PTK2: variants seen among roughly 807,000 people sequenced by gnomAD.
The protein encoded by PTK2 is protein tyrosine kinase 2.
Under a neutral mutation model 150.1 loss-of-function variants are expected in PTK2, and 45 were observed. The observed-to-expected ratio is 0.30, with a 90% CI of 0.24 to 0.38. The LOEUF is 0.38. PTK2 is among the 10% of genes least tolerant of loss of function. The pLI is 1.00. For synonymous variants in PTK2, 432 were observed against 449.2 expected (o/e 0.96, Z 0.48); for missense variants, 919 against 1,307.3 (o/e 0.70, Z 4.58).
rs562573034 is a variant in PTK2, at chr8:140,769,465, G to C, written c.1178-5175C>G. ...ATATTTTGCATACCATTTTGTACTT[G>C]GTTCTGTTGGATCAAAAGCACATTT... On this transcript the variant is annotated intron_variant, in intron 14 of 31. Transcript: ENST00000522684. 219 of 616,668 alleles carry C rather than the reference G, an allele frequency of 3.6e-4. 3 individuals carry two copies. The South Asian group carries it at 4.8e-3, about 14-fold the overall frequency. The allele number at this position is 616,668 out of a possible 1,614,324, so 38.2% of individuals were successfully genotyped here. A position where few individuals can be genotyped will look rare whatever the true frequency, so the allele number is the denominator to read the frequency against.
chr8:140,756,833 C>CA (rs1439227931), intron 16 of PTK2, among the ~76,000 whole-genome samples: 1 of 148,512 alleles, frequency 6.7e-6, no homozygotes, highest in African/African-American at 2.5e-5. Flanking sequence ...ACTAAAAATA[C>CA]AAAAAATTAG....
chr8:140,664,976 T>C (rs1177884464), exon 31 of PTK2: 1 of 1,613,658 alleles, frequency 6.2e-7, no homozygotes, highest in African/African-American at 1.3e-5. Context: ...GCCAATAATG[T>C]CCTCAGGGCC....
chr8:140,789,120 T>G (rs2100086784), intron 14 of PTK2, among the ~76,000 whole-genome samples: 1 of 152,318 alleles, frequency 6.6e-6, no homozygotes, highest in African/African-American at 2.4e-5. Flanking sequence ...TTTCCTGAAC[T>G]TCTTAAAATA....
At chr8:140,854,778 C>T (rs559315923) in intron 5 of PTK2, among the ~76,000 whole-genome samples, 14 of 152,158 alleles carry the variant, frequency 9.2e-5, no homozygotes, top group African/African-American at 2.2e-4. Flanking sequence ...AGTAATATAA[C>T]GCTCAAACAC....
At chr8:140,791,332 T>C (rs1009415120) in intron 13 of PTK2, among the ~76,000 whole-genome samples, 3 of 152,148 alleles carry the variant, frequency 2.0e-5, no homozygotes, top group Non-Finnish European at 4.4e-5. Context: ...ACATGCCACA[T>C]TGCCCAGCTT....
At chr8:140,784,056 G>A (rs1566291952) in intron 14 of PTK2, among the ~76,000 whole-genome samples, 3 of 152,010 alleles carry the variant, frequency 2.0e-5, no homozygotes, top group South Asian at 2.1e-4. Flanking sequence ...CCACCTACTC[G>A]GGAGGCAGAG....
intron 1 of PTK2, among the ~76,000 whole-genome samples, chr8:140,932,211 AT>A (rs1267889348): frequency 6.6e-6 from 1 of 152,084 alleles, no homozygotes; most frequent in East Asian, 1.9e-4. Context: ...GAATAAAGAT[AT>A]TTAACATTTC....
chr8:140,897,351 C>T (rs1452818073), intron 2 of PTK2, among the ~76,000 whole-genome samples: 1 of 151,950 alleles, frequency 6.6e-6, no homozygotes, highest in Non-Finnish European at 1.5e-5. Flanking sequence ...TGCTCCTATC[C>T]TTTCAGAACT....
chr8:140,776,616 T>C (rs1161036127), intron 14 of PTK2, among the ~76,000 whole-genome samples: 3 of 152,110 alleles, frequency 2.0e-5, no homozygotes, highest in East Asian at 1.9e-4. Context: ...AGAAGGAAAG[T>C]AGTGCCATTT....
chr8:140,857,184 C>G (rs529826124), intron 5 of PTK2, among the ~76,000 whole-genome samples: 1 of 152,204 alleles, frequency 6.6e-6, no homozygotes, highest in Non-Finnish European at 1.5e-5. Context: ...TTCTTATATA[C>G]TATTAGCAGA....
chr8:140,802,497 C>T (rs895317928), intron 11 of PTK2, among the ~76,000 whole-genome samples: 1 of 152,052 alleles, frequency 6.6e-6, no homozygotes, highest in Non-Finnish European at 1.5e-5. Context: ...CTAATGTTTA[C>T]TACTGAAAAA....
In PTK2 at chr8:140,860,611, T is replaced by A. The variant is rs369487765; in HGVS notation, c.450+3701A>T. Among the ~76,000 whole-genome samples, 9 of 152,192 alleles carry A rather than the reference T, an allele frequency of 5.9e-5. No individual in the cohort carries two copies. In the East Asian group the frequency reaches 1.3e-3, roughly 23 times the overall value. ...TGCCCCAGCTCCTCAGTAGCTGGGATACAGGTGTGTACCACCATGCTCTGC... is the reference window on the plus strand; with the variant it reads ...TGCCCCAGCTCCTCAGTAGCTGGGAAACAGGTGTGTACCACCATGCTCTGC... On this transcript the variant is annotated intron_variant, in intron 5 of 31. Coordinates refer to ENST00000522684, the Ensembl canonical transcript of PTK2.
intron 20 of PTK2, among the ~76,000 whole-genome samples, chr8:140,741,541 G>A (rs998896259): frequency 3.3e-5 from 5 of 151,642 alleles, no homozygotes; most frequent in African/African-American, 1.2e-4. Flanking sequence ...GAAGACATAT[G>A]GAAAGAGAAT....
chr8:140,706,353 T>A (rs1342893141), intron 23 of PTK2, 148 bp from the exon 27 acceptor site: 1 of 580,684 alleles, frequency 1.7e-6, no homozygotes, highest in African/African-American at 1.9e-5. Flanking sequence ...GAAAGAACAG[T>A]CTTTTCAACA....
intron 26 of PTK2, 98 bp downstream of exon 29, chr8:140,700,793 T>C: frequency 6.8e-7 from 1 of 1,463,576 alleles, no homozygotes; most frequent in Non-Finnish European, 9.2e-7. Context: ...TAAAACTAAC[T>C]CTCCTGCTTT....
At chr8:140,756,966 G>A (rs2100066216) in intron 16 of PTK2, among the ~76,000 whole-genome samples, 1 of 150,554 alleles carries the variant, frequency 6.6e-6, no homozygotes, top group Admixed American at 6.6e-5. Context: ...TCTGGCCTGG[G>A]CAACAGAGCG....
intron 7 of PTK2, among the ~76,000 whole-genome samples, chr8:140,840,401 T>C (rs962570194): frequency 2.0e-5 from 3 of 151,856 alleles, no homozygotes; most frequent in African/African-American, 7.3e-5. Context: ...CCAAAAATAA[T>C]AACTGTATAA....
At chr8:140,912,481 G>C (rs1166095931) in intron 2 of PTK2, among the ~76,000 whole-genome samples, 1 of 151,440 alleles carries the variant, frequency 6.6e-6, no homozygotes, top group East Asian at 1.9e-4. Flanking sequence ...AAAAAATAAA[G>C]ATAAATACAA....
intron 5 of PTK2, among the ~76,000 whole-genome samples, chr8:140,856,008 CA>C (rs1181607760): frequency 2.6e-5 from 4 of 151,940 alleles, no homozygotes; most frequent in African/African-American, 9.7e-5. Flanking sequence ...ACATATTGTA[CA>C]AAAAGGTTTA....
Sources: gnomAD v4.1 joint callset for allele counts (sites outside exome capture counted in the v4.1 genomes callset) on GRCh38, gnomAD v4.1.1 for gene constraint, MANE v1.5 for transcripts, NCBI Gene and HGNC (gene_info 2026-07-23, HGNC 2026-07-21) for gene names.